MECOM: variants seen among roughly 807,000 people sequenced by gnomAD.
MECOM encodes the protein MDS1 and EVI1 complex locus.
MECOM carries 13 observed loss-of-function variants against 116.3 expected under a neutral mutation model. The observed-to-expected ratio is 0.11, with a 90% CI of 0.07 to 0.18. The LOEUF is 0.18. Ranked by LOEUF, MECOM falls within the 10% of genes least tolerant of loss-of-function variation. MECOM has a pLI of 1.00. For synonymous variants in MECOM, 528 were observed against 535.2 expected, an observed-to-expected ratio of 0.99 and a Z score of 0.19; for missense variants, 1,299 against 1,509.0, an observed-to-expected ratio of 0.86 and a Z score of 2.31.
intron 5 of MECOM, among the ~76,000 whole-genome samples, chr3:169,123,303 ATGTGTG>A (rs34615103): frequency 6.8e-6 from 1 of 147,506 alleles, no homozygotes; most frequent in Non-Finnish European, 1.5e-5. Context: ...ATATGCATGG[ATGTGTG>A]TGTGTGTGTG....
chr3:169,121,779 T>C lies in MECOM; in HGVS notation c.979-570A>G, dbSNP rs923128745. Among the ~76,000 whole-genome samples the C allele has an allele frequency of 2.8e-4, 43 of 152,180 alleles. 1 individual carries two copies. The highest frequency in any genetic ancestry group is 2.8e-3 in the Admixed American group (43 of 15,274). On this transcript the variant is annotated intron_variant, in intron 6 of 16. Coordinates refer to ENST00000651503, the MANE Select transcript of MECOM (RefSeq NM_004991.4). ...AACATCCCTAAAGAAATTTCAAATGTATTTTTTAATTTTTATGAGAAAAAA... is the reference window on the plus strand; with the variant it reads ...AACATCCCTAAAGAAATTTCAAATGCATTTTTTAATTTTTATGAGAAAAAA...
At chr3:169,363,856 TC>T (rs1453357728) in intron 2 of MECOM, among the ~76,000 whole-genome samples, 3 of 152,064 alleles carry the variant, frequency 2.0e-5, no homozygotes, top group Admixed American at 2.0e-4. Flanking sequence ...AAGTGATTGA[TC>T]TAGTAATTCA....
chr3:169,620,411 C>G (rs1055807395), intron 1 of MECOM, among the ~76,000 whole-genome samples: 2 of 152,212 alleles, frequency 1.3e-5, no homozygotes, highest in Admixed American at 1.3e-4. Flanking sequence ...GATGAAAATT[C>G]TTTGCCAAAT....
At chr3:169,486,587 A>G (rs141127851) in intron 1 of MECOM, among the ~76,000 whole-genome samples, 115 of 152,242 alleles carry the variant, frequency 7.6e-4, no homozygotes, top group Admixed American at 2.9e-3. Flanking sequence ...TTGAAAATAT[A>G]TTTTGATTAC....
chr3:169,639,071 T>C (rs975510369), intron 1 of MECOM, among the ~76,000 whole-genome samples: 2 of 152,016 alleles, frequency 1.3e-5, no homozygotes, highest in Non-Finnish European at 2.9e-5. Flanking sequence ...CTCCTGGAGG[T>C]GAACCAATCA....
At chr3:169,624,632 A>G (rs933716123) in intron 1 of MECOM, among the ~76,000 whole-genome samples, 3 of 152,076 alleles carry the variant, frequency 2.0e-5, no homozygotes, top group African/African-American at 4.8e-5. Context: ...CATGCTGAAA[A>G]ACACTCCCAC....
At position 169,116,510 on chromosome 3, in the gene MECOM, C is replaced by A. The variant is rs746933776; in HGVS notation, c.1362G>T (p.Thr454=). Reference sequence around the variant, plus strand: ...TGGCATGACTCATATTAACCATGGACGTTTTATCCATAGCTGGGGTTCCAG... The same window carrying A: ...TGGCATGACTCATATTAACCATGGAAGTTTTATCCATAGCTGGGGTTCCAG... ...SLPGTPAMDK[T]SMVNMSHANP... Residue 454 remains threonine (T), a synonymous_variant, in exon 8 of 17, where the codon ACG becomes ACT. Transcript: ENST00000651503. 6.2e-7 allele frequency: 1 copy of A among 1,614,002 alleles called. No homozygotes were observed. The highest frequency in any genetic ancestry group is 8.5e-7 in the Non-Finnish European group (1 of 1,180,036).
intron 1 of MECOM, among the ~76,000 whole-genome samples, chr3:169,616,799 G>A (rs112448395): frequency 0.011 from 1,621 of 152,304 alleles, 17 homozygotes; most frequent in Middle Eastern, 0.02. Context: ...GCTCAAAGAG[G>A]AAGGGAAATT....
intron 1 of MECOM, chr3:169,614,889 C>G (rs1769794456): frequency 6.6e-6 from 1 of 152,232 alleles, no homozygotes; most frequent in Non-Finnish European, 1.5e-5. Context: ...GACAGCACAG[C>G]ACAGCACATA....
intron 1 of MECOM, chr3:169,614,788 G>A (rs1769780030): frequency 6.6e-6 from 1 of 151,966 alleles, no homozygotes; most frequent in African/African-American, 2.4e-5. Context: ...AGCTTCCTGG[G>A]CAGCTAGGAT....
chr3:169,172,629 A>C (rs1191307529), intron 2 of MECOM, among the ~76,000 whole-genome samples: 3 of 152,206 alleles, frequency 2.0e-5, no homozygotes, highest in African/African-American at 7.2e-5. Flanking sequence ...ATTTTGAATG[A>C]TAATGACTAA....
chr3:169,244,121 C>T (rs1005829483), intron 2 of MECOM, among the ~76,000 whole-genome samples: 5 of 152,232 alleles, frequency 3.3e-5, no homozygotes, highest in Non-Finnish European at 7.3e-5. Flanking sequence ...CCCTCCACAA[C>T]TCTCCTAACT....
At chr3:169,264,610 C>T (rs1758032252) in intron 2 of MECOM, among the ~76,000 whole-genome samples, 1 of 152,126 alleles carries the variant, frequency 6.6e-6, no homozygotes, top group Admixed American at 6.5e-5. Flanking sequence ...GGTAAGAAAG[C>T]AGATACAGAG....
chr3:169,479,779 T>A (rs1320738362), intron 1 of MECOM, among the ~76,000 whole-genome samples: 2 of 152,162 alleles, frequency 1.3e-5, no homozygotes, highest in Non-Finnish European at 2.9e-5. Flanking sequence ...GCCTTTTCCT[T>A]ATAGGGACCT....
intron 2 of MECOM, chr3:169,145,623 T>C (rs543721787): frequency 4.4e-6 from 1 of 225,026 alleles, no homozygotes; most frequent in South Asian, 1.8e-4. Context: ...GCCAGTGAAA[T>C]GCAATACTAA....
intron 1 of MECOM, among the ~76,000 whole-genome samples, chr3:169,507,748 G>A (rs1372499810): frequency 3.8e-5 from 5 of 133,048 alleles, no homozygotes; most frequent in Non-Finnish European, 6.2e-5. Context: ...TGCAAGCTCC[G>A]CCTCCCGGGT....
chr3:169,285,055 C>T (rs1317339457), intron 2 of MECOM, among the ~76,000 whole-genome samples: 1 of 152,144 alleles, frequency 6.6e-6, no homozygotes, highest in Non-Finnish European at 1.5e-5. Flanking sequence ...TCTGACCTCT[C>T]TTTCAGATGT....
intron 1 of MECOM, among the ~76,000 whole-genome samples, chr3:169,621,623 G>C (rs930365045): frequency 1.3e-5 from 2 of 152,132 alleles, no homozygotes; most frequent in African/African-American, 4.8e-5. Flanking sequence ...TGGGCATGGT[G>C]GTGCATGCCT....
chr3:169,567,088 G>A (rs1763333165), intron 1 of MECOM, among the ~76,000 whole-genome samples: 1 of 152,210 alleles, frequency 6.6e-6, no homozygotes, highest in Admixed American at 6.5e-5. Context: ...TTTGGCCATT[G>A]GGATGAATTA....
Sources: allele counts gnomAD v4.1 joint callset (sites outside exome capture counted in the v4.1 genomes callset), GRCh38; gene constraint gnomAD v4.1.1; transcripts MANE v1.5; gene names NCBI Gene and HGNC (gene_info 2026-07-23, HGNC 2026-07-21).